The following NLRP7 variants were observed in gnomAD, a reference collection of about 807,000 sequenced individuals.
NLRP7 encodes the protein NACHT, LRR and PYD domains-containing protein 7.
NLRP7 carries 72 observed loss-of-function variants against 85.5 expected under a neutral mutation model. The observed-to-expected ratio is 0.84, with a 90% CI of 0.70 to 1.02. The LOEUF (loss-of-function observed/expected upper bound fraction) is 1.02, where lower values mean the gene tolerates loss of function less well. NLRP7 is among the 50% of genes least tolerant of loss of function. NLRP7 has a pLI of 0.00. For synonymous variants in NLRP7, 550 were observed against 505.2 expected, an observed-to-expected ratio of 1.09 and a Z score of -1.19; for missense variants, 1,243 against 1,219.5, an observed-to-expected ratio of 1.02 and a Z score of -0.29.
chr19:54,940,551 G>T, intron 3 of NLRP7, 85 bp from the exon 4 acceptor site: 1 of 1,467,352 alleles, frequency 6.8e-7, no homozygotes, highest in Non-Finnish European at 9.5e-7. Flanking sequence ...TGAGGGCCAG[G>T]CACGGTGTCT....
intron 8 of NLRP7, among the ~76,000 whole-genome samples, chr19:54,931,673 G>A (rs1157451254): frequency 2.2e-5 from 2 of 91,548 alleles, no homozygotes; most frequent in Admixed American, 1.1e-4. Context: ...GGGCAAGAGC[G>A]AAACTCCATC....
chr19:54,932,426 C>CAAAA (rs71960636), intron 8 of NLRP7, among the ~76,000 whole-genome samples: 246 of 141,154 alleles, frequency 1.7e-3, no homozygotes, highest in African/African-American at 4.9e-3. Context: ...AGACTTCATC[C>CAAAA]AAAAAAAAAA....
chr19:54,960,410 C>A (rs1568439158), intron 1 of NLRP7, among the ~76,000 whole-genome samples: 2 of 151,606 alleles, frequency 1.3e-5, no homozygotes, highest in Admixed American at 1.3e-4. Context: ...CCCATCTCAG[C>A]CTCCCAAAGT....
intron 1 of NLRP7, among the ~76,000 whole-genome samples, chr19:54,962,534 G>T (rs2070082453): frequency 6.6e-6 from 1 of 151,672 alleles, no homozygotes; most frequent in African/African-American, 2.4e-5. Flanking sequence ...GCCTCCCAAA[G>T]TGCTGGGATT....
rs560852153 is a variant in NLRP7 at position 54,934,868 on chromosome 19, T to A, written c.2301-209A>T. Among the ~76,000 whole-genome samples the A allele has an allele frequency of 3.3e-5, 5 of 152,024 alleles. No individual in the cohort carries two copies. The highest frequency in any genetic ancestry group is 7.4e-5 in the Non-Finnish European group (5 of 68,004). On this transcript the variant is annotated intron_variant, in intron 6 of 9. Coordinates refer to ENST00000340844, the Ensembl canonical transcript of NLRP7. The surrounding 1 kb of genome is among the most constrained non-coding windows in gnomAD (Gnocchi z 6.7). Reference sequence around the variant, plus strand: ...GGGATTACAGGCATTCGCCAATTTTTGTATTTTTAGTAGAGACGGGATTTC... The same window carrying A: ...GGGATTACAGGCATTCGCCAATTTTAGTATTTTTAGTAGAGACGGGATTTC...
intron 1 of NLRP7, among the ~76,000 whole-genome samples, chr19:54,964,109 G>T (rs1192102761): frequency 6.7e-6 from 1 of 150,252 alleles, no homozygotes; most frequent in African/African-American, 2.4e-5. Context: ...TTGAAGTCCT[G>T]ACCTCGTGAT....
At chr19:54,936,483 G>A (rs1241924944) in intron 5 of NLRP7, 52 bp from the exon 6 acceptor site, 15 of 1,432,368 alleles carry the variant, frequency 1.0e-5, no homozygotes, top group Non-Finnish European at 1.5e-5. Context: ...CTCACATTGT[G>A]TGGAGGCATG....
upstream of NLRP7, chr19:54,947,636 G>A (rs1177959511): frequency 1.6e-6 from 2 of 1,289,494 alleles, no homozygotes; most frequent in Non-Finnish European, 2.0e-6. Flanking sequence ...ACTGACCTCA[G>A]GCTCACCTTG....
intron 1 of NLRP7, among the ~76,000 whole-genome samples, chr19:54,956,474 G>A (rs1437685259): frequency 6.6e-6 from 1 of 151,900 alleles, no homozygotes; most frequent in Non-Finnish European, 1.5e-5. Context: ...CGGATCACTT[G>A]AGGTCAGGAC....
At chr19:54,945,852 C>T (rs1194305834) in intron 1 of NLRP7, among the ~76,000 whole-genome samples, 16 of 152,030 alleles carry the variant, frequency 1.1e-4, no homozygotes, top group Non-Finnish European at 7.4e-5. Context: ...TGCAGTGGCG[C>T]GATCTGGGCT....
intron 9 of NLRP7, among the ~76,000 whole-genome samples, chr19:54,925,994 C>T (rs2068418258): frequency 6.6e-6 from 1 of 150,860 alleles, no homozygotes. Flanking sequence ...AGACTGGAGT[C>T]TCTGTCTCAA....
chr19:54,926,778 T>G (rs2068456194), intron 9 of NLRP7, among the ~76,000 whole-genome samples: 1 of 151,492 alleles, frequency 6.6e-6, no homozygotes, highest in Non-Finnish European at 1.5e-5. Context: ...TAGCTGGGTG[T>G]GGTGGCGAGC....
At position 54,940,041 on chromosome 19, in the gene NLRP7, C is replaced by A. The variant is rs774024133; in HGVS notation, c.778G>T (p.Val260Phe). ...TCCTGGATCAGCGCCCCAGGTGGGA[C>A]TTTCAGCTCATCAAGGCCATCGACC... Residue 260 changes from valine to phenylalanine, a missense_variant, in exon 4 of 10, where the codon GTC becomes TTC. Val to Phe is a conservative substitution (Grantham distance 50). Transcript: ENST00000340844. The A allele has an allele frequency of 8.7e-6, 14 of 1,614,204 alleles. No homozygotes were observed. The Middle Eastern group carries it at 2.1e-3, about 247-fold the overall frequency.
intron 1 of NLRP7, among the ~76,000 whole-genome samples, chr19:54,943,779 T>C (rs1438161779): frequency 6.6e-6 from 1 of 152,170 alleles, no homozygotes; most frequent in African/African-American, 2.4e-5. Context: ...TGTGTCTATG[T>C]AGAAAGAAAT....
At chr19:54,941,909 C>T (rs563039590) in intron 1 of NLRP7, among the ~76,000 whole-genome samples, 159 bp from the exon 2 acceptor site, 6 of 152,174 alleles carry the variant, frequency 3.9e-5, no homozygotes, top group Non-Finnish European at 5.9e-5. Context: ...AGCACGGTGG[C>T]TCACGCCTGC....
chr19:54,942,995 AAG>A (rs2069299623), intron 1 of NLRP7, among the ~76,000 whole-genome samples: 1 of 151,738 alleles, frequency 6.6e-6, no homozygotes, highest in Admixed American at 6.6e-5. Context: ...AAAAATACAA[AAG>A]CTAGCCAAGT....
chr19:54,949,368 G>C (rs545699342), upstream of NLRP7, among the ~76,000 whole-genome samples: 3 of 151,710 alleles, frequency 2.0e-5, no homozygotes, highest in African/African-American at 7.2e-5. Flanking sequence ...CTGAGTCCAG[G>C]AGTTCAAGAC....
Position 54,939,658 on chromosome 19 carries a change from G to T in NLRP7, c.1161C>A (p.Cys387Ter). 6.2e-7 allele frequency: 1 copy of T among 1,612,444 alleles called. No homozygotes were observed. The highest frequency in any genetic ancestry group is 8.5e-7 in the Non-Finnish European group (1 of 1,179,818). The stretch of plus-strand genomic sequence containing the variant: ...GCAGGAACAGCCCCGTGCGGGTGAG[G>T]CAGGTGGGGACCGGGTCCTCCCCCT... The change falls in exon 4 of 10, where the codon TGC (cysteine) becomes TGA (stop). Residue 387 changes from cysteine (C) to a stop codon, truncating the protein, a stop_gained. Coordinates refer to ENST00000340844, the Ensembl canonical transcript of NLRP7. LOFTEE classifies it high-confidence loss of function.
At chr19:54,952,143 T>C (rs931518973), upstream of NLRP7, among the ~76,000 whole-genome samples, 3 of 152,038 alleles carry the variant, frequency 2.0e-5, no homozygotes, top group Admixed American at 2.0e-4. Context: ...GTTTCAGATG[T>C]TTTTCAGACC....
Sources: gnomAD v4.1 joint callset for allele counts (sites outside exome capture counted in the v4.1 genomes callset) on GRCh38, gnomAD v4.1.1 for gene constraint, Gnocchi (gnomAD v3.1) non-coding constraint, MANE v1.5 for transcripts, NCBI Gene and HGNC (gene_info 2026-07-23, HGNC 2026-07-21) for gene names.